The following CLMP variants were observed in gnomAD, a reference collection of about 807,000 sequenced individuals.
CLMP encodes CXADR-like membrane protein.
Under a neutral mutation model 45.2 loss-of-function variants are expected in CLMP, and 27 were observed. The ratio of observed to expected loss-of-function variants is 0.60; its 90% CI spans 0.44 to 0.82. The LOEUF is 0.82. CLMP is among the 40% of genes least tolerant of loss of function. The pLI is 0.00. For missense variants in CLMP, 403 were observed against 448.4 expected (o/e 0.90, Z 0.91); for synonymous variants, 167 against 171.4 (o/e 0.97, Z 0.20).
chr11:123,145,544 C>A (rs1351769614), intron 1 of CLMP, among the ~76,000 whole-genome samples: 1 of 147,540 alleles, frequency 6.8e-6, no homozygotes, highest in Non-Finnish European at 1.5e-5. Flanking sequence ...CTCAATGCAA[C>A]CTCCGCCTCC....
At chr11:123,117,906 T>A (rs1462012394) in intron 1 of CLMP, among the ~76,000 whole-genome samples, 1 of 152,166 alleles carries the variant, frequency 6.6e-6, no homozygotes, top group Non-Finnish European at 1.5e-5. Flanking sequence ...AAGGCAGTAA[T>A]TCACTCTCTT....
chr11:123,126,109 G>A (rs76000277), intron 1 of CLMP, among the ~76,000 whole-genome samples: 11,821 of 152,106 alleles, frequency 0.078, 666 homozygotes, highest in African/African-American at 0.15. Flanking sequence ...ATATTGCTTC[G>A]CCTGAATAGC....
chr11:123,077,313 A>G (rs1227310511), intron 5 of CLMP, among the ~76,000 whole-genome samples: 1 of 151,278 alleles, frequency 6.6e-6, no homozygotes, highest in Non-Finnish European at 1.5e-5. Context: ...ATTTATTCTT[A>G]TAAAAACAAA....
At chr11:123,129,979 G>A (rs1860962215) in intron 1 of CLMP, among the ~76,000 whole-genome samples, 1 of 151,300 alleles carries the variant, frequency 6.6e-6, no homozygotes, top group African/African-American at 2.4e-5. Context: ...AAGTTACAGA[G>A]CCAGGGATCA....
intron 1 of CLMP, among the ~76,000 whole-genome samples, chr11:123,150,333 T>G (rs1183091678): frequency 5.3e-5 from 8 of 149,628 alleles, no homozygotes; most frequent in African/African-American, 2.0e-4. Flanking sequence ...AGGAAGATCT[T>G]CCATGGTCAG....
chr11:123,186,791 A>G (rs112476152), intron 1 of CLMP, among the ~76,000 whole-genome samples: 7,909 of 152,112 alleles, frequency 0.052, 636 homozygotes, highest in African/African-American at 0.17. Flanking sequence ...CCAAAGTGCT[A>G]GGATTACAGG....
intron 1 of CLMP, among the ~76,000 whole-genome samples, chr11:123,150,224 A>T (rs1372033048): frequency 2.7e-5 from 4 of 150,514 alleles, no homozygotes; most frequent in Non-Finnish European, 4.4e-5. Context: ...ACACACACAC[A>T]CACACAGGGA....
At position 123,118,923 on chromosome 11, in the gene CLMP, CTTTTCT is replaced by C. The variant is rs369540536; in HGVS notation, c.29-20977_29-20972del. Reference sequence around the variant, plus strand: ...GTCTTCCAGGTGATCTTTGCATTTTCTTTTCTTTTCTTTCTTTCTTTCTTTCTTTCT... The same window carrying C: ...GTCTTCCAGGTGATCTTTGCATTTTCTTTCTTTCTTTCTTTCTTTCTTTCT... On this transcript the variant is annotated intron_variant, in intron 1 of 6. Transcript: ENST00000448775. 3.9e-3 allele frequency among the ~76,000 whole-genome samples: 509 copies of C among 132,166 alleles called. 9 individuals are homozygous for C. Among genetic ancestry groups the C allele is most frequent in the African/African-American group, 0.015 (485 of 32,566 alleles). 86.7% of individuals were successfully genotyped at this position (132,166 alleles called of 152,430 possible). A position where few individuals can be genotyped will look rare whatever the true frequency, so the allele number is the denominator to read the frequency against.
chr11:123,093,224 A>G (rs1865954096), intron 2 of CLMP, among the ~76,000 whole-genome samples: 1 of 152,122 alleles, frequency 6.6e-6, no homozygotes, highest in Non-Finnish European at 1.5e-5. Context: ...CCTACTTTTA[A>G]GAGACAGGTC....
chr11:123,143,970 G>T (rs1368009667), intron 1 of CLMP, among the ~76,000 whole-genome samples: 2 of 152,090 alleles, frequency 1.3e-5, no homozygotes, highest in Admixed American at 6.6e-5. Context: ...CACCACTCTT[G>T]GCTAAGTTTT....
chr11:123,117,541 T>C (rs1565387177), intron 1 of CLMP, among the ~76,000 whole-genome samples: 6 of 152,132 alleles, frequency 3.9e-5, no homozygotes, highest in Admixed American at 3.9e-4. Context: ...ATTCTCCTGC[T>C]TCAGCCTCCC....
chr11:123,136,371 G>T (rs1031853572), intron 1 of CLMP: 2 of 544,018 alleles, frequency 3.7e-6, no homozygotes, highest in East Asian at 4.5e-5. Context: ...TGGGGAGCCG[G>T]GTTCAGGTTG....
At chr11:123,124,987 C>T (rs1262286349) in intron 1 of CLMP, among the ~76,000 whole-genome samples, 1 of 152,090 alleles carries the variant, frequency 6.6e-6, no homozygotes, top group Non-Finnish European at 1.5e-5. Flanking sequence ...ACATTTGCCT[C>T]CTAAGCTCAA....
intron 1 of CLMP, among the ~76,000 whole-genome samples, chr11:123,168,262 G>T (rs1467177227): frequency 1.4e-5 from 2 of 144,580 alleles, no homozygotes; most frequent in East Asian, 4.1e-4. Context: ...CCATGTATCT[G>T]GCCAGGGCAG....
At chr11:123,167,103 G>T (rs1192670289) in intron 1 of CLMP, among the ~76,000 whole-genome samples, 1 of 152,194 alleles carries the variant, frequency 6.6e-6, no homozygotes, top group East Asian at 1.9e-4. Flanking sequence ...TTGGCACATA[G>T]TAGGTATTTG....
chr11:123,079,112 A>G (rs1865772722), intron 5 of CLMP, among the ~76,000 whole-genome samples: 3 of 152,098 alleles, frequency 2.0e-5, no homozygotes, highest in African/African-American at 7.2e-5. Context: ...CTGGTTACAC[A>G]GTTATCTTCA....
intron 1 of CLMP, among the ~76,000 whole-genome samples, chr11:123,146,219 G>T (rs1299186174): frequency 1.3e-5 from 2 of 152,130 alleles, no homozygotes; most frequent in Admixed American, 1.3e-4. Context: ...GCCATTCAAA[G>T]GATTTCTTCC....
chr11:123,181,920 C>T (rs1189918799), intron 1 of CLMP, among the ~76,000 whole-genome samples: 1 of 152,222 alleles, frequency 6.6e-6, no homozygotes, highest in Non-Finnish European at 1.5e-5. Context: ...CATTCCCTCC[C>T]CTGGGCTGCC....
intron 1 of CLMP, among the ~76,000 whole-genome samples, chr11:123,154,662 T>C (rs1438526172): frequency 6.6e-6 from 1 of 152,122 alleles, no homozygotes; most frequent in Non-Finnish European, 1.5e-5. Context: ...AGGTCCAGGA[T>C]TGAGCCCTAG....
Sources: allele counts gnomAD v4.1 joint callset (sites outside exome capture counted in the v4.1 genomes callset), GRCh38; gene constraint gnomAD v4.1.1; transcripts MANE v1.5; gene names NCBI Gene and HGNC (gene_info 2026-07-23, HGNC 2026-07-21).